ZNF536: variants seen among roughly 807,000 people sequenced by gnomAD.
The protein encoded by ZNF536 is zinc finger protein 536.
Under a neutral mutation model 84.5 loss-of-function variants are expected in ZNF536, and 13 were observed. That is an observed-to-expected ratio of 0.15 (90% CI 0.10 to 0.24). The LOEUF (loss-of-function observed/expected upper bound fraction) is 0.24, where lower values mean the gene tolerates loss of function less well. Ranked by LOEUF, ZNF536 falls within the 10% of genes least tolerant of loss-of-function variation. The pLI is 1.00. For missense variants in ZNF536, 1,536 were observed against 1,747.5 expected (o/e 0.88, Z 2.16); for synonymous variants, 811 against 742.5 (o/e 1.09, Z -1.50).
rs758459573 is a variant in ZNF536 at position 30,445,503 on chromosome 19, C to T, written c.1941C>T (p.Val647=). The change falls in exon 2 of 5, where the codon GTC becomes GTT. Residue 647 remains valine, a synonymous_variant. Coordinates refer to ENST00000355537, the MANE Select transcript of ZNF536 (RefSeq NM_014717.3). The surrounding 1 kb of genome is among the most constrained non-coding windows in gnomAD (Gnocchi z 4.5). ...GRVFRTYHQV[V]VHSRVHKRDR... is the part of the protein sequence containing the mutation. ...TGTTCCGCACTTACCACCAGGTGGT[C>T]GTGCACTCCCGTGTCCACAAGCGGG... 3 of 1,613,898 alleles carry T rather than the reference C, an allele frequency of 1.9e-6. No homozygotes were observed. The highest frequency in any genetic ancestry group is 1.7e-5 in the Admixed American group (1 of 60,004).
chr19:30,681,294 C>T (rs887814322), intron 1 of ZNF536, among the ~76,000 whole-genome samples: 8 of 152,260 alleles, frequency 5.3e-5, no homozygotes, highest in African/African-American at 1.7e-4. Context: ...CAGACCTGAG[C>T]GCCAGGCCTG....
intron 1 of ZNF536, among the ~76,000 whole-genome samples, chr19:30,380,035 G>A (rs2048962836): frequency 6.6e-6 from 1 of 152,180 alleles, no homozygotes. Flanking sequence ...CTGAGCCCAG[G>A]CCACCACCGC....
intron 2 of ZNF536, among the ~76,000 whole-genome samples, chr19:30,309,751 C>A (rs2046442137): frequency 6.6e-6 from 1 of 152,322 alleles, no homozygotes; most frequent in Non-Finnish European, 1.5e-5. Context: ...ATGCTCTTGG[C>A]TTATAAGTTT....
chr19:30,646,537 G>A (rs567346421), intron 1 of ZNF536, among the ~76,000 whole-genome samples: 1 of 152,338 alleles, frequency 6.6e-6, no homozygotes, highest in South Asian at 2.1e-4. Context: ...CGGTGTGTAC[G>A]TGTGGATGTG....
chr19:30,477,249 C>T (rs2053888034), intron 2 of ZNF536, among the ~76,000 whole-genome samples: 1 of 152,186 alleles, frequency 6.6e-6, no homozygotes. Flanking sequence ...ATTGTACTGA[C>T]ACGTTCTCCA....
intron 1 of ZNF536, among the ~76,000 whole-genome samples, chr19:30,239,973 A>G (rs989781074): frequency 6.6e-6 from 1 of 152,168 alleles, no homozygotes; most frequent in Admixed American, 6.5e-5. Context: ...CTAGCCTTCT[A>G]TGGAGACATC....
intron 2 of ZNF536, among the ~76,000 whole-genome samples, chr19:30,481,543 G>A (rs532522383): frequency 1.7e-4 from 26 of 152,300 alleles, no homozygotes; most frequent in South Asian, 4.2e-4. Context: ...ACATTGGTTC[G>A]TGATGAATTA....
At chr19:30,552,120 A>G (rs764850378) in intron 4 of ZNF536, among the ~76,000 whole-genome samples, 8 of 152,290 alleles carry the variant, frequency 5.3e-5, no homozygotes, top group Non-Finnish European at 7.4e-5. Context: ...AACCCCCACT[A>G]GCTTCCCTTT....
intron 2 of ZNF536, among the ~76,000 whole-genome samples, chr19:30,531,030 T>C (rs1332543265): frequency 6.6e-6 from 1 of 152,172 alleles, no homozygotes; most frequent in Non-Finnish European, 1.5e-5. Context: ...CTCTGGACAC[T>C]TCCTGGGACC....
At chr19:30,534,456 C>T (rs2044985048) in intron 2 of ZNF536, among the ~76,000 whole-genome samples, 1 of 152,104 alleles carries the variant, frequency 6.6e-6, no homozygotes, top group Non-Finnish European at 1.5e-5. Context: ...AATATGATTT[C>T]AGTCCCATAG....
At chr19:30,497,074 C>T (rs921549244) in intron 2 of ZNF536, among the ~76,000 whole-genome samples, 1 of 152,174 alleles carries the variant, frequency 6.6e-6, no homozygotes, top group Non-Finnish European at 1.5e-5. Context: ...CTCTACTTTG[C>T]TCTCCTTAAA....
chr19:30,669,098 G>A (rs1009674802), intron 1 of ZNF536, among the ~76,000 whole-genome samples: 1 of 152,218 alleles, frequency 6.6e-6, no homozygotes, highest in Non-Finnish European at 1.5e-5. Context: ...GCTTCCTAGA[G>A]CCCAGCTAGA....
chr19:30,501,003 G>C (rs184490218), intron 2 of ZNF536, among the ~76,000 whole-genome samples: 29 of 152,144 alleles, frequency 1.9e-4, no homozygotes, highest in Non-Finnish European at 3.1e-4. Flanking sequence ...GGATTGGAGC[G>C]AGAAGGTTTG....
intron 2 of ZNF536, among the ~76,000 whole-genome samples, chr19:30,503,999 G>C (rs1460570870): frequency 2.0e-5 from 3 of 151,708 alleles, no homozygotes; most frequent in African/African-American, 4.9e-5. Context: ...AGAAACTCCA[G>C]TTGGGAAGTG....
chr19:30,519,777 A>C (rs2044243706), intron 2 of ZNF536, among the ~76,000 whole-genome samples: 1 of 152,226 alleles, frequency 6.6e-6, no homozygotes, highest in Non-Finnish European at 1.5e-5. Context: ...TCGGCTGGTC[A>C]CCAGTATTTA....
rs1357028914 is a variant in ZNF536, at chr19:30,557,440, CCTCA to C, written c.*277_*280del. 3.0e-6 allele frequency: 1 copy of C among 336,460 alleles called. No homozygotes were observed. Among genetic ancestry groups the C allele is most frequent in the Non-Finnish European group, 5.4e-6 (1 of 185,286 alleles). The allele number at this position is 336,460 out of a possible 1,614,324, so 20.8% of individuals were successfully genotyped here. On this transcript the variant is annotated 3_prime_UTR_variant, in exon 5 of 5. Coordinates refer to ENST00000355537, the MANE Select transcript of ZNF536 (RefSeq NM_014717.3). ...GTAACTTGAGCAGGAGAGAAAACTC[CCTCA>C]AAGTCATAAATCCTGAGTGACAACT...
intron 2 of ZNF536, among the ~76,000 whole-genome samples, chr19:30,446,248 C>CAAAA (rs1177505634): frequency 0.045 from 1,285 of 28,840 alleles, 232 homozygotes; most frequent in Non-Finnish European, 0.052. Context: ...GACACTGTCT[C>CAAAA]AAAAAAAAAA....
intron 2 of ZNF536, among the ~76,000 whole-genome samples, chr19:30,452,855 C>T (rs751270904): frequency 6.6e-6 from 1 of 152,034 alleles, no homozygotes; most frequent in African/African-American, 2.4e-5. Context: ...TCTCCTCTGT[C>T]GGCATCTGAT....
At chr19:30,594,617 C>T (rs1046071266) in intron 1 of ZNF536, among the ~76,000 whole-genome samples, 5 of 152,252 alleles carry the variant, frequency 3.3e-5, no homozygotes, top group Non-Finnish European at 7.4e-5. Flanking sequence ...CTGCAGGACA[C>T]CCCCGTGGAG....
Sources: gnomAD v4.1 joint callset for allele counts (sites outside exome capture counted in the v4.1 genomes callset) on GRCh38, gnomAD v4.1.1 for gene constraint, Gnocchi (gnomAD v3.1) non-coding constraint, MANE v1.5 for transcripts, NCBI Gene and HGNC (gene_info 2026-07-23, HGNC 2026-07-21) for gene names.